Variants in GPR39 observed in about 807,000 individuals in gnomAD.
GPR39 encodes the protein zinc sensing receptor.
A neutral mutation model predicts 18.4 loss-of-function variants in GPR39; 23 were observed. The ratio of observed to expected loss-of-function variants is 1.25; its 90% CI spans 0.90 to 1.77. The LOEUF (loss-of-function observed/expected upper bound fraction) is 1.77, where lower values mean the gene tolerates loss of function less well. GPR39 is among the 40% of genes most tolerant of loss of function. The probability of loss-of-function intolerance (pLI) is 0.00; values close to 1 mark genes in which losing one functional copy is unlikely to be tolerated. For missense variants in GPR39, 647 were observed against 602.4 expected, an observed-to-expected ratio of 1.07 and a Z score of -0.78; for synonymous variants, 280 against 257.9, an observed-to-expected ratio of 1.09 and a Z score of -0.82.
intron 1 of GPR39, among the ~76,000 whole-genome samples, chr2:132,630,768 T>G (rs2104869122): frequency 6.6e-6 from 1 of 152,126 alleles, no homozygotes; most frequent in South Asian, 2.1e-4. Context: ...AGGGATCGAT[T>G]GGATGTGGGG....
intron 1 of GPR39, among the ~76,000 whole-genome samples, chr2:132,555,109 G>A (rs1573664304): frequency 2.0e-5 from 3 of 152,138 alleles, no homozygotes; most frequent in Admixed American, 1.3e-4. Context: ...GTGCCACCAT[G>A]CCCGGCTAAT....
chr2:132,585,696 G>A lies in GPR39; in HGVS notation c.857-59405G>A, dbSNP rs892473072. Among the ~76,000 whole-genome samples, 11 of 152,166 alleles carry A rather than the reference G, an allele frequency of 7.2e-5. 1 individual carries two copies. Among genetic ancestry groups the A allele is most frequent in the South Asian group, 6.2e-4 (3 of 4,808 alleles). ...GTGGCCAGTGGAGTGGACGGGCAAG[G>A]GGGGCGCAGTTTGCGAACTGCTGGG... On this transcript the variant is annotated intron_variant, in intron 1 of 1. Transcript: ENST00000329321.
chr2:132,502,023 A>T (rs1278712365), intron 1 of GPR39, among the ~76,000 whole-genome samples: 1 of 152,272 alleles, frequency 6.6e-6, no homozygotes, highest in South Asian at 2.1e-4. Flanking sequence ...GTGAATTCTT[A>T]TTCATTCTGC....
At chr2:132,600,449 AT>A (rs1681020356) in intron 1 of GPR39, among the ~76,000 whole-genome samples, 1 of 152,170 alleles carries the variant, frequency 6.6e-6, no homozygotes, top group Admixed American at 6.5e-5. Context: ...TGAATGAAAC[AT>A]TTTTTAAAAA....
intron 1 of GPR39, among the ~76,000 whole-genome samples, chr2:132,418,840 G>A (rs1250242514): frequency 3.3e-5 from 5 of 152,286 alleles, no homozygotes; most frequent in South Asian, 4.1e-4. Flanking sequence ...TGTATTGTGC[G>A]TGTGTGAATC....
chr2:132,418,329 C>T (rs1484998863), intron 1 of GPR39, among the ~76,000 whole-genome samples: 2 of 152,132 alleles, frequency 1.3e-5, no homozygotes, highest in African/African-American at 4.8e-5. Context: ...CTCTTTTACC[C>T]GGGGAAGACT....
chr2:132,580,352 C>T (rs1362978218), intron 1 of GPR39, among the ~76,000 whole-genome samples: 1 of 152,134 alleles, frequency 6.6e-6, no homozygotes, highest in Non-Finnish European at 1.5e-5. Context: ...TTCCCGTTTT[C>T]CTTTCGTTTG....
chr2:132,425,855 C>T (rs115148392), intron 1 of GPR39, among the ~76,000 whole-genome samples: 2,834 of 152,098 alleles, frequency 0.019, 77 homozygotes, highest in African/African-American at 0.055. Flanking sequence ...AAAATGGGCC[C>T]TGAATAAGCT....
rs934110960 is a variant in GPR39 at position 132,632,750 on chromosome 2, C to T, written c.857-12351C>T. Among the ~76,000 whole-genome samples the T allele has an allele frequency of 2.0e-5, 3 of 152,214 alleles. No homozygotes were observed. In the South Asian group the frequency reaches 6.2e-4, roughly 31 times the overall value. On this transcript the variant is annotated intron_variant, in intron 1 of 1. Coordinates refer to ENST00000329321, the MANE Select transcript of GPR39 (RefSeq NM_001508.3). ...TAAATAAGCAAGTGCAAGTTAAGTACTCAGAAGAGTGTCTGTCATACATGT... is the reference window on the plus strand; with the variant it reads ...TAAATAAGCAAGTGCAAGTTAAGTATTCAGAAGAGTGTCTGTCATACATGT...
At position 132,578,067 on chromosome 2, in the gene GPR39, GT is replaced by G. The variant is rs34297392; in HGVS notation, c.857-67017del. ...TCCCCTCTATTTCTATTTTTCTAGA[GT>G]TTTTTTTTTTTTTTTTATAAATGGG... On this transcript the variant is annotated intron_variant, in intron 1 of 1. Coordinates refer to ENST00000329321, the MANE Select transcript of GPR39 (RefSeq NM_001508.3). 1.8e-3 allele frequency among the ~76,000 whole-genome samples: 231 copies of G among 131,742 alleles called. 1 individual carries two copies. Among genetic ancestry groups the G allele is most frequent in the Middle Eastern group, 0.012 (3 of 246 alleles). The allele number at this position is 131,742 out of a possible 152,430, so 86.4% of individuals were successfully genotyped here. A position where few individuals can be genotyped will look rare whatever the true frequency, so the allele number is the denominator to read the frequency against.
intron 1 of GPR39, among the ~76,000 whole-genome samples, chr2:132,462,128 A>G (rs1438357045): frequency 6.6e-6 from 1 of 152,208 alleles, no homozygotes; most frequent in Non-Finnish European, 1.5e-5. Flanking sequence ...AGCCAAATAT[A>G]TAATACCCAA....
At chr2:132,597,651 G>A (rs991562831) in intron 1 of GPR39, among the ~76,000 whole-genome samples, 2 of 152,190 alleles carry the variant, frequency 1.3e-5, no homozygotes, top group African/African-American at 2.4e-5. Flanking sequence ...GCTAAACACT[G>A]TAAAGCCATA....
chr2:132,434,536 C>G (rs1336883254), intron 1 of GPR39, among the ~76,000 whole-genome samples: 1 of 152,156 alleles, frequency 6.6e-6, no homozygotes, highest in African/African-American at 2.4e-5. Context: ...AAGTGGTCTA[C>G]TTGCCCCCAA....
rs905084150 is a variant in GPR39 at position 132,584,741 on chromosome 2, C to A, written c.857-60360C>A. ...TTCGAAAAGCAGGCAGGATCGGATGCAAATGAGGCTTTCAGAGGCAATTTG... is the reference window on the plus strand; with the variant it reads ...TTCGAAAAGCAGGCAGGATCGGATGAAAATGAGGCTTTCAGAGGCAATTTG... On this transcript the variant is annotated intron_variant, in intron 1 of 1. Coordinates refer to ENST00000329321, the MANE Select transcript of GPR39 (RefSeq NM_001508.3). Among the ~76,000 whole-genome samples the A allele has an allele frequency of 3.6e-4, 55 of 152,176 alleles. 1 individual carries two copies. Among genetic ancestry groups the A allele is most frequent in the Admixed American group, 3.5e-3 (54 of 15,282 alleles).
intron 1 of GPR39, among the ~76,000 whole-genome samples, chr2:132,605,655 G>A (rs527318185): frequency 2.6e-5 from 4 of 152,102 alleles, no homozygotes; most frequent in African/African-American, 2.4e-5. Context: ...ATCTCCTACC[G>A]AGCATTCCTG....
At chr2:132,585,972 T>TTTTTTA (rs1553458352) in intron 1 of GPR39, among the ~76,000 whole-genome samples, 2 of 130,382 alleles carry the variant, frequency 1.5e-5, no homozygotes, top group Non-Finnish European at 3.4e-5. Flanking sequence ...TTTTTTTTTT[T>TTTTTTA]AATGCCCCAC....
At chr2:132,617,512 T>C (rs1681358819) in intron 1 of GPR39, among the ~76,000 whole-genome samples, 1 of 152,200 alleles carries the variant, frequency 6.6e-6, no homozygotes, top group African/African-American at 2.4e-5. Context: ...TTAATAACTT[T>C]ATTTTTTATG....
chr2:132,494,021 GTT>G (rs1681589442), intron 1 of GPR39, among the ~76,000 whole-genome samples: 1 of 152,120 alleles, frequency 6.6e-6, no homozygotes, highest in African/African-American at 2.4e-5. Flanking sequence ...AGCTAGTGGG[GTT>G]TCTCCAGAGG....
chr2:132,547,250 C>G (rs1437854450), intron 1 of GPR39, among the ~76,000 whole-genome samples: 1 of 152,166 alleles, frequency 6.6e-6, no homozygotes, highest in East Asian at 1.9e-4. Context: ...AATGGCATTT[C>G]CCTGGGCCCT....
Sources: gnomAD v4.1 joint callset for allele counts (sites outside exome capture counted in the v4.1 genomes callset) on GRCh38, gnomAD v4.1.1 for gene constraint, MANE v1.5 for transcripts, NCBI Gene and HGNC (gene_info 2026-07-23, HGNC 2026-07-21) for gene names.